Variants in CAP2 observed in about 807,000 individuals in gnomAD.
The protein encoded by CAP2 is adenylyl cyclase-associated protein 2.
CAP2 carries 24 observed loss-of-function variants against 57.7 expected under a neutral mutation model. That is an observed-to-expected ratio of 0.42 (90% CI 0.30 to 0.58). CAP2 has a LOEUF of 0.58. Among genes scored for constraint, CAP2 ranks in the 20% least tolerant of loss-of-function variants. CAP2 has a pLI of 0.22. For synonymous variants in CAP2, 194 were observed against 207.2 expected, an observed-to-expected ratio of 0.94 and a Z score of 0.55; for missense variants, 501 against 590.3, an observed-to-expected ratio of 0.85 and a Z score of 1.57.
At chr6:17,439,740 G>A (rs1348844641) in intron 3 of CAP2, among the ~76,000 whole-genome samples, 1 of 151,462 alleles carries the variant, frequency 6.6e-6, no homozygotes, top group Non-Finnish European at 1.5e-5. Flanking sequence ...AGAATCTAAT[G>A]CCATTGCTGA....
At chr6:17,428,225 A>G (rs1264214483) in intron 3 of CAP2, among the ~76,000 whole-genome samples, 1 of 152,228 alleles carries the variant, frequency 6.6e-6, no homozygotes, top group Non-Finnish European at 1.5e-5. Context: ...AGAGAACTTT[A>G]AAGGTACCTA....
Position 17,463,032 on chromosome 6 carries a change from G to T in CAP2, c.259G>T (p.Ala87Ser), listed in dbSNP as rs146348579. Residue 87 changes from alanine to serine, a missense_variant, in exon 4 of 13, where the codon GCT becomes TCT. Ala to Ser is a moderately conservative substitution (Grantham distance 99, BLOSUM62 1). Transcript: ENST00000229922. ...MVHSAFQAQR[A>S]FLLMASQYQQ... Reference sequence around the variant, plus strand: ...GCACAGTGCTTTCCAGGCCCAGCGGGCTTTCCTTCTGATGGCCTCTCAGTA... The same window carrying T: ...GCACAGTGCTTTCCAGGCCCAGCGGTCTTTCCTTCTGATGGCCTCTCAGTA... 1.9e-6 allele frequency: 3 copies of T among 1,614,162 alleles called. No homozygotes were observed. Among genetic ancestry groups the T allele is most frequent in the Non-Finnish European group, 2.5e-6 (3 of 1,180,006 alleles).
intron 1 of CAP2, among the ~76,000 whole-genome samples, chr6:17,404,726 G>A (rs369829502): frequency 1.0e-4 from 15 of 148,056 alleles, no homozygotes; most frequent in East Asian, 4.0e-4. Flanking sequence ...AGCCAAGATC[G>A]CGCCACTGCA....
intron 4 of CAP2, among the ~76,000 whole-genome samples, chr6:17,493,902 C>T (rs773171373): frequency 1.3e-5 from 2 of 152,206 alleles, no homozygotes; most frequent in Admixed American, 6.5e-5. Context: ...CTGGTCTTTG[C>T]GCTAAAGCCT....
intron 4 of CAP2, among the ~76,000 whole-genome samples, chr6:17,473,847 T>C (rs1406074084): frequency 1.3e-5 from 2 of 152,244 alleles, no homozygotes; most frequent in East Asian, 3.8e-4. Context: ...AGGGCTCGAT[T>C]GAAGCTTCAC....
chr6:17,393,728 C>A lies in CAP2; in HGVS notation c.-20C>A, dbSNP rs1327106938. 5 of 152,120 alleles carry A rather than the reference C, an allele frequency of 3.3e-5. No individual in the cohort carries two copies. Among genetic ancestry groups the A allele is most frequent in the African/African-American group, 1.2e-4 (5 of 41,404 alleles). The allele number at this position is 152,120 out of a possible 1,614,324, so 9.4% of individuals were successfully genotyped here. ...CGGATTTGCATTGCCGAGGACGGGA[C>A]CCCAGGGCAGCGAAGCAGGTAATCC... On this transcript the variant is annotated 5_prime_UTR_variant, in exon 1 of 13. Coordinates refer to ENST00000229922, the MANE Select transcript of CAP2 (RefSeq NM_006366.3).
intron 4 of CAP2, among the ~76,000 whole-genome samples, chr6:17,487,404 A>G (rs1472395484): frequency 6.6e-6 from 1 of 151,976 alleles, no homozygotes; most frequent in Non-Finnish European, 1.5e-5. Context: ...CCCAAGAGCA[A>G]ATGCCTGTCT....
At chr6:17,516,834 A>G (rs975499989) in intron 7 of CAP2, among the ~76,000 whole-genome samples, 11 of 152,138 alleles carry the variant, frequency 7.2e-5, no homozygotes, top group African/African-American at 2.7e-4. Flanking sequence ...CACTTTTACA[A>G]ATGTTAACAC....
chr6:17,525,096 T>C (rs1762475098), intron 7 of CAP2, among the ~76,000 whole-genome samples: 1 of 150,978 alleles, frequency 6.6e-6, no homozygotes, highest in African/African-American at 2.4e-5. Flanking sequence ...AGAAATGGGG[T>C]TTCACCATGT....
intron 3 of CAP2, among the ~76,000 whole-genome samples, chr6:17,462,590 A>G (rs966949329): frequency 2.6e-5 from 4 of 151,972 alleles, no homozygotes; most frequent in African/African-American, 9.7e-5. Flanking sequence ...ACTGCTCTGT[A>G]GTGGTTTCTG....
intron 1 of CAP2, among the ~76,000 whole-genome samples, chr6:17,421,245 G>A (rs1048062785): frequency 5.3e-5 from 8 of 152,076 alleles, no homozygotes; most frequent in Non-Finnish European, 8.8e-5. Flanking sequence ...GGGAAAGGTG[G>A]GAGGGGGATG....
At chr6:17,459,532 C>T (rs928740168) in intron 3 of CAP2, among the ~76,000 whole-genome samples, 8 of 152,100 alleles carry the variant, frequency 5.3e-5, no homozygotes, top group East Asian at 1.9e-4. Flanking sequence ...GGGGCTTACC[C>T]TTGAAGAAAA....
chr6:17,517,481 C>T (rs1762297283), intron 7 of CAP2, among the ~76,000 whole-genome samples: 1 of 152,218 alleles, frequency 6.6e-6, no homozygotes, highest in Non-Finnish European at 1.5e-5. Context: ...CAAAACAATA[C>T]TTGCTCTTAC....
rs549627110 is a variant in CAP2 at position 17,433,828 on chromosome 6, A to G, written c.222+7138A>G. Among the ~76,000 whole-genome samples the G allele has an allele frequency of 2.0e-5, 3 of 152,324 alleles. No homozygotes were observed. The East Asian group carries it at 5.8e-4, about 29-fold the overall frequency. On this transcript the variant is annotated intron_variant, in intron 3 of 12. Coordinates refer to ENST00000229922, the MANE Select transcript of CAP2 (RefSeq NM_006366.3). ...ATCTCCTGCTAAATCTCAGGCCTTC[A>G]TTGGACATCCCTGTGACTCCTTTTT...
chr6:17,394,468 C>T (rs1429699645), intron 1 of CAP2, among the ~76,000 whole-genome samples: 1 of 152,062 alleles, frequency 6.6e-6, no homozygotes, highest in African/African-American at 2.4e-5. Flanking sequence ...GTGTTCGCTG[C>T]AAGTTGTAGC....
chr6:17,556,204 C>T (rs1017800042), intron 12 of CAP2, among the ~76,000 whole-genome samples, 155 bp from the exon 13 acceptor site: 10 of 152,210 alleles, frequency 6.6e-5, no homozygotes, highest in Non-Finnish European at 5.9e-5. Context: ...CTCCACGTGA[C>T]AAAGACCTCC....
chr6:17,409,674 C>T (rs949992414), intron 1 of CAP2, among the ~76,000 whole-genome samples: 4 of 152,080 alleles, frequency 2.6e-5, no homozygotes, highest in Non-Finnish European at 4.4e-5. Flanking sequence ...TAGGTCCCTA[C>T]TCGTAACTGC....
intron 4 of CAP2, among the ~76,000 whole-genome samples, chr6:17,503,255 G>A (rs895517952): frequency 6.6e-6 from 1 of 152,070 alleles, no homozygotes; most frequent in African/African-American, 2.4e-5. Context: ...TGACGGCAGG[G>A]TTGGTCTCTC....
chr6:17,531,451 C>T, intron 7 of CAP2: 9 of 1,530,436 alleles, frequency 5.9e-6, no homozygotes, highest in Non-Finnish European at 8.1e-6. Context: ...TTCTGTACAT[C>T]TGCCTATATT....
Sources: allele counts gnomAD v4.1 joint callset (sites outside exome capture counted in the v4.1 genomes callset), GRCh38; gene constraint gnomAD v4.1.1; transcripts MANE v1.5; gene names NCBI Gene and HGNC (gene_info 2026-07-23, HGNC 2026-07-21).